CLNK: variants seen among roughly 807,000 people sequenced by gnomAD.
The protein encoded by CLNK is cytokine-dependent hematopoietic cell linker.
A neutral mutation model predicts 68.6 loss-of-function variants in CLNK; 74 were observed. The observed-to-expected ratio is 1.08, with a 90% confidence interval of 0.89 to 1.31. The LOEUF (loss-of-function observed/expected upper bound fraction) is 1.31, where lower values mean the gene tolerates loss of function less well. Among genes scored for constraint, CLNK ranks in the 50% most tolerant of loss-of-function variants. The probability of loss-of-function intolerance (pLI) is 0.00; values close to 1 mark genes in which losing one functional copy is unlikely to be tolerated. For missense variants in CLNK, 553 were observed against 515.3 expected, an observed-to-expected ratio of 1.07 and a Z score of -0.71; for synonymous variants, 198 against 172.2, an observed-to-expected ratio of 1.15 and a Z score of -1.17.
At chr4:10,497,586 TAGTC>T (rs1210299391) in intron 18 of CLNK, among the ~76,000 whole-genome samples, 2 of 152,218 alleles carry the variant, frequency 1.3e-5, no homozygotes, top group Non-Finnish European at 2.9e-5. Flanking sequence ...TTTGCCAAGA[TAGTC>T]AGTGAACCGG....
chr4:10,658,073 G>T (rs554560223), intron 2 of CLNK, among the ~76,000 whole-genome samples: 3 of 152,256 alleles, frequency 2.0e-5, no homozygotes, highest in South Asian at 4.1e-4. Context: ...TCACGTCACT[G>T]CCTCTGTGAG....
the CLNK span, among the ~76,000 whole-genome samples, chr4:10,710,240 T>C: frequency 6.6e-6 from 1 of 152,156 alleles, no homozygotes; most frequent in Non-Finnish European, 1.5e-5. Context: ...AGCCTTTGTA[T>C]TTCTGGGCAG....
At chr4:10,528,047 G>A (rs1247061836) in intron 13 of CLNK, 29 bp downstream of exon 13, 3 of 1,275,928 alleles carry the variant, frequency 2.4e-6, no homozygotes, top group Middle Eastern at 3.9e-4. Flanking sequence ...ATTAGTATTA[G>A]GGTAAGAAAA....
intron 18 of CLNK, 29 bp downstream of exon 18, chr4:10,501,227 G>C: frequency 6.5e-7 from 1 of 1,535,400 alleles, no homozygotes; most frequent in Non-Finnish European, 8.7e-7. Flanking sequence ...GCTTAGCCTG[G>C]AACAGGGAGG....
chr4:10,656,795 A>G lies in CLNK; in HGVS notation c.11+11064T>C, dbSNP rs547348791. Among the ~76,000 whole-genome samples the G allele has an allele frequency of 5.9e-5, 9 of 152,332 alleles. No homozygotes were observed. The East Asian group carries it at 1.7e-3, about 29-fold the overall frequency. On this transcript the variant is annotated intron_variant, in intron 2 of 18. Transcript: ENST00000226951. ...AGCACTTGTATTAGCAATATTTAGG[A>G]AACAACTCAAGTGTCTATTGACTGG...
chr4:10,521,845 C>T (rs575220000), intron 14 of CLNK, among the ~76,000 whole-genome samples: 64 of 152,004 alleles, frequency 4.2e-4, no homozygotes, highest in South Asian at 1.7e-3. Context: ...AATTTCTCTG[C>T]GCTAATAGTA....
intron 6 of CLNK, 51 bp downstream of exon 6, chr4:10,565,958 T>C (rs374041620): frequency 2.5e-6 from 4 of 1,585,432 alleles, no homozygotes; most frequent in South Asian, 1.1e-5. Context: ...GTGTGCAATA[T>C]GGTGGCATGT....
chr4:10,566,163 T>C lies in CLNK; in HGVS notation c.151-13A>G. On this transcript the variant is annotated splice_polypyrimidine_tract_variant and intron_variant, in intron 5 of 18. Transcript: ENST00000226951. ...CAAAGTTTCTTTCCTAAGCAGGTGG[T>C]AACATTCCAGTGAGTCAAAGGAAGG... is the stretch of plus-strand genomic sequence containing the variant. The C allele has an allele frequency of 1.2e-6, 2 of 1,613,216 alleles. No individual in the cohort carries two copies. Among genetic ancestry groups the C allele is most frequent in the Non-Finnish European group, 1.7e-6 (2 of 1,179,388 alleles).
At chr4:10,568,886 T>G (rs569833167) in intron 5 of CLNK, among the ~76,000 whole-genome samples, 9 of 152,350 alleles carry the variant, frequency 5.9e-5, no homozygotes, top group African/African-American at 2.2e-4. Flanking sequence ...CTGCCAAATC[T>G]GTGGGGATGT....
At chr4:10,512,865 T>TA (rs935034284) in intron 16 of CLNK, among the ~76,000 whole-genome samples, 8 of 150,520 alleles carry the variant, frequency 5.3e-5, no homozygotes, top group Admixed American at 2.0e-4. Flanking sequence ...GTAATGTAAG[T>TA]AAAAAATGGT....
the CLNK span, among the ~76,000 whole-genome samples, chr4:10,699,171 C>T: frequency 1.3e-4 from 19 of 140,822 alleles, no homozygotes; most frequent in East Asian, 2.2e-4. Flanking sequence ...CAATTCCTTA[C>T]GTTTCTTTCT....
chr4:10,529,762 G>T (rs1718463478), intron 12 of CLNK, among the ~76,000 whole-genome samples: 1 of 152,172 alleles, frequency 6.6e-6, no homozygotes, highest in African/African-American at 2.4e-5. Flanking sequence ...AGGAAGAGGA[G>T]ATGAGAACAG....
At chr4:10,561,259 C>T (rs1719878911) in intron 7 of CLNK, among the ~76,000 whole-genome samples, 1 of 152,102 alleles carries the variant, frequency 6.6e-6, no homozygotes, top group Admixed American at 6.6e-5. Context: ...GAGACAACTC[C>T]CCTCTGAAAT....
chr4:10,636,485 G>A (rs1297770128), intron 2 of CLNK, among the ~76,000 whole-genome samples: 1 of 152,176 alleles, frequency 6.6e-6, no homozygotes, highest in Non-Finnish European at 1.5e-5. Context: ...TTGGCCTCCT[G>A]ATTTGTAAGA....
chr4:10,656,992 G>C (rs1403826079), intron 2 of CLNK, among the ~76,000 whole-genome samples: 1 of 152,150 alleles, frequency 6.6e-6, no homozygotes, highest in Non-Finnish European at 1.5e-5. Context: ...CTCACATTAT[G>C]TTCTAGATGC....
chr4:10,655,422 G>T (rs893220853), intron 2 of CLNK, among the ~76,000 whole-genome samples: 1 of 150,224 alleles, frequency 6.7e-6, no homozygotes, highest in African/African-American at 2.4e-5. Context: ...TGAAAGAGCA[G>T]ACATTCAAGA....
intron 2 of CLNK, among the ~76,000 whole-genome samples, chr4:10,650,860 A>G (rs1723702147): frequency 6.6e-6 from 1 of 152,154 alleles, no homozygotes; most frequent in Non-Finnish European, 1.5e-5. Flanking sequence ...CAAGAAAAAA[A>G]AACAAACAAC....
At chr4:10,659,397 T>C (rs1332497683) in intron 2 of CLNK, among the ~76,000 whole-genome samples, 1 of 152,172 alleles carries the variant, frequency 6.6e-6, no homozygotes, top group Non-Finnish European at 1.5e-5. Flanking sequence ...AACGATTTCA[T>C]TTAATAAAGA....
intron 3 of CLNK, among the ~76,000 whole-genome samples, chr4:10,595,172 G>A (rs1417916285): frequency 6.6e-6 from 1 of 152,100 alleles, no homozygotes; most frequent in Non-Finnish European, 1.5e-5. Context: ...AAATCCAACT[G>A]GTACCACTTT....
Sources: gnomAD v4.1 joint callset for allele counts (sites outside exome capture counted in the v4.1 genomes callset) on GRCh38, gnomAD v4.1.1 for gene constraint, MANE v1.5 for transcripts, NCBI Gene and HGNC (gene_info 2026-07-23, HGNC 2026-07-21) for gene names.